MCU: variants seen among roughly 807,000 people sequenced by gnomAD.
MCU encodes calcium uniporter protein, mitochondrial.
MCU carries 12 observed loss-of-function variants against 45.2 expected under a neutral mutation model. The ratio of observed to expected loss-of-function variants is 0.27; its 90% CI spans 0.17 to 0.43. MCU has a LOEUF of 0.43. Among genes scored for constraint, MCU ranks in the 20% least tolerant of loss-of-function variants. MCU has a pLI of 1.00. For synonymous variants in MCU, 160 were observed against 165.1 expected (o/e 0.97, Z 0.24); for missense variants, 324 against 436.7 (o/e 0.74, Z 2.30).
At chr10:72,705,867 G>C (rs1464155132) in intron 1 of MCU, among the ~76,000 whole-genome samples, 3 of 151,856 alleles carry the variant, frequency 2.0e-5, no homozygotes, top group Non-Finnish European at 4.4e-5. Flanking sequence ...TGTAATTCCA[G>C]CTACTTGGGA....
intron 6 of MCU, among the ~76,000 whole-genome samples, chr10:72,881,811 A>G (rs1359990231): frequency 6.6e-6 from 1 of 152,212 alleles, no homozygotes; most frequent in African/African-American, 2.4e-5. Flanking sequence ...TGTATCTCCA[A>G]GAGAAATGAA....
intron 1 of MCU, among the ~76,000 whole-genome samples, chr10:72,804,058 ATATATATATATATAT>A: frequency 2.5e-5 from 2 of 80,278 alleles, no homozygotes; most frequent in Non-Finnish European, 4.8e-5. Flanking sequence ...ATATATATAT[ATATATATATATATAT>A]AAAATAAGAG....
At chr10:72,755,146 AT>A (rs11397520) in intron 1 of MCU, among the ~76,000 whole-genome samples, 2,382 of 123,664 alleles carry the variant, frequency 0.019, 39 homozygotes, top group African/African-American at 0.056. Context: ...TGAACCTGAG[AT>A]TTTTTTTTTT....
chr10:72,805,165 C>CTTTCTTTCTG (rs1468524303), intron 1 of MCU, among the ~76,000 whole-genome samples: 1 of 55,114 alleles, frequency 1.8e-5, no homozygotes, highest in Non-Finnish European at 4.1e-5. Context: ...CTTTCTGTCT[C>CTTTCTTTCTG]TCTCTCTCTC....
chr10:72,852,170 G>T (rs1236589999), intron 2 of MCU, among the ~76,000 whole-genome samples: 7 of 152,178 alleles, frequency 4.6e-5, no homozygotes, highest in African/African-American at 1.7e-4. Flanking sequence ...CTATAGAAAA[G>T]ATAGAAATAT....
At chr10:72,811,923 C>A (rs1844549563) in intron 1 of MCU, among the ~76,000 whole-genome samples, 1 of 151,940 alleles carries the variant, frequency 6.6e-6, no homozygotes, top group Non-Finnish European at 1.5e-5. Flanking sequence ...AGAAACATTT[C>A]CCTGTATCTT....
intron 1 of MCU, among the ~76,000 whole-genome samples, chr10:72,696,065 G>A (rs1203564185): frequency 6.7e-6 from 1 of 149,602 alleles, no homozygotes; most frequent in Non-Finnish European, 1.5e-5. Flanking sequence ...GGGAGGCTGA[G>A]GCAGGAGAAT....
At chr10:72,854,831 G>GT (rs1439211714) in intron 2 of MCU, among the ~76,000 whole-genome samples, 2 of 152,232 alleles carry the variant, frequency 1.3e-5, no homozygotes, top group Non-Finnish European at 2.9e-5. Flanking sequence ...TTGCACCACA[G>GT]TAACAGAGTT....
intron 6 of MCU, among the ~76,000 whole-genome samples, chr10:72,876,921 GTT>G (rs11365046): frequency 8.6e-4 from 115 of 134,172 alleles, no homozygotes; most frequent in African/African-American, 2.7e-3. Context: ...TCAAATCACA[GTT>G]TTTTTTTTTT....
At chr10:72,757,271 C>G (rs1251859928) in intron 1 of MCU, among the ~76,000 whole-genome samples, 1 of 152,112 alleles carries the variant, frequency 6.6e-6, no homozygotes, top group Non-Finnish European at 1.5e-5. Flanking sequence ...CAACGGGAAT[C>G]ACCACCACCA....
At chr10:72,707,018 TG>T (rs1842830452) in intron 1 of MCU, among the ~76,000 whole-genome samples, 1 of 147,220 alleles carries the variant, frequency 6.8e-6, no homozygotes, top group Non-Finnish European at 1.5e-5. Context: ...TTAGTAGAGA[TG>T]GGGTTTCACC....
At position 72,765,077 on chromosome 10, in the gene MCU, C is replaced by T. The variant is rs146589610; in HGVS notation, c.151-69282C>T. On this transcript the variant is annotated intron_variant, in intron 1 of 7. Transcript: ENST00000373053. ...GAACATCTTGGGCAACATGGTGAAC[C>T]CCATCTCTTAAAAAAAAAAAAAAAA... Among the ~76,000 whole-genome samples, 1,014 of 147,542 alleles carry T rather than the reference C, an allele frequency of 6.9e-3. 9 individuals are homozygous for T. The highest frequency in any genetic ancestry group is 0.036 in the South Asian group (168 of 4,692).
At chr10:72,756,047 C>T (rs1053040709) in intron 1 of MCU, among the ~76,000 whole-genome samples, 4 of 152,084 alleles carry the variant, frequency 2.6e-5, no homozygotes, top group Non-Finnish European at 2.9e-5. Flanking sequence ...GACAAGGTCT[C>T]GCTTTGTTGC....
chr10:72,831,502 G>T (rs1844878596), intron 1 of MCU, among the ~76,000 whole-genome samples: 1 of 151,490 alleles, frequency 6.6e-6, no homozygotes. Context: ...GTTGGTTTTT[G>T]TTTTGTTTTG....
At chr10:72,787,753 C>G (rs1298924329) in intron 1 of MCU, among the ~76,000 whole-genome samples, 3 of 151,682 alleles carry the variant, frequency 2.0e-5, no homozygotes, top group Non-Finnish European at 4.4e-5. Flanking sequence ...GACTCTCGCT[C>G]TGTTGCCCAG....
chr10:72,879,809 G>C (rs1845673346), intron 6 of MCU, among the ~76,000 whole-genome samples: 1 of 152,158 alleles, frequency 6.6e-6, no homozygotes, highest in African/African-American at 2.4e-5. Context: ...ACTTTGGGAG[G>C]CTGAGGCGGG....
intron 1 of MCU, among the ~76,000 whole-genome samples, chr10:72,819,727 C>CTT (rs71021538): frequency 0.26 from 26,883 of 102,528 alleles, 5,335 homozygotes; most frequent in Non-Finnish European, 0.38. Flanking sequence ...TTTTTCCAGT[C>CTT]TTTTTTTTTT....
chr10:72,883,599 T>C (rs1480632043), intron 6 of MCU, among the ~76,000 whole-genome samples: 1 of 152,162 alleles, frequency 6.6e-6, no homozygotes, highest in African/African-American at 2.4e-5. Context: ...AGATTTCCAC[T>C]CCTAGGTATA....
chr10:72,770,999 G>T (rs758134856), intron 1 of MCU, among the ~76,000 whole-genome samples: 15 of 152,132 alleles, frequency 9.9e-5, no homozygotes, highest in African/African-American at 2.4e-5. Flanking sequence ...CTGCTAGCAA[G>T]AAATTCTTTC....
Sources: allele counts gnomAD v4.1 joint callset (sites outside exome capture counted in the v4.1 genomes callset), GRCh38; gene constraint gnomAD v4.1.1; transcripts MANE v1.5; gene names NCBI Gene and HGNC (gene_info 2026-07-23, HGNC 2026-07-21).